The following DSCAM variants were observed in gnomAD, a reference collection of about 807,000 sequenced individuals.
DSCAM encodes the protein DS cell adhesion molecule, also known as cell adhesion molecule DSCAM.
A neutral mutation model predicts 217.7 loss-of-function variants in DSCAM; 47 were observed. The ratio of observed to expected loss-of-function variants is 0.22; its 90% CI spans 0.17 to 0.28. The LOEUF (loss-of-function observed/expected upper bound fraction) is 0.28. DSCAM is among the 10% of genes least tolerant of loss of function. DSCAM has a pLI of 1.00. For synonymous variants in DSCAM, 1,056 were observed against 1,015.3 expected (o/e 1.04, Z -0.76); for missense variants, 2,080 against 2,618.3 (o/e 0.79, Z 4.49).
At chr21:40,376,494 T>A (rs1415280823) in intron 3 of DSCAM, among the ~76,000 whole-genome samples, 2 of 110,218 alleles carry the variant, frequency 1.8e-5, no homozygotes, top group Admixed American at 2.2e-4. Context: ...TATATAGATA[T>A]CTATATATCT....
At chr21:40,392,876 A>C (rs1408780677) in intron 3 of DSCAM, among the ~76,000 whole-genome samples, 1 of 152,216 alleles carries the variant, frequency 6.6e-6, no homozygotes, top group Non-Finnish European at 1.5e-5. Context: ...CACAAGGTCA[A>C]CTGTTAATCA....
intron 3 of DSCAM, among the ~76,000 whole-genome samples, chr21:40,559,448 GA>G (rs1360890995): frequency 7.8e-6 from 1 of 128,636 alleles, no homozygotes; most frequent in Non-Finnish European, 1.6e-5. Flanking sequence ...AAAAGAGCGA[GA>G]CCCCGTCTCA....
At chr21:40,732,741 T>C (rs1199006298) in intron 1 of DSCAM, among the ~76,000 whole-genome samples, 2 of 152,190 alleles carry the variant, frequency 1.3e-5, no homozygotes, top group African/African-American at 4.8e-5. Context: ...AAATGATGAA[T>C]ATGAAACACT....
intron 11 of DSCAM, among the ~76,000 whole-genome samples, chr21:40,203,786 G>A (rs1445781267): frequency 6.6e-6 from 1 of 152,074 alleles, no homozygotes; most frequent in Non-Finnish European, 1.5e-5. Flanking sequence ...GTACATTCCT[G>A]TACGGCTAAA....
intron 11 of DSCAM, among the ~76,000 whole-genome samples, chr21:40,207,914 A>G (rs2091143909): frequency 6.6e-6 from 1 of 152,168 alleles, no homozygotes; most frequent in Non-Finnish European, 1.5e-5. Flanking sequence ...CTCTTCTTAG[A>G]AGGACACCAG....
At chr21:40,697,819 G>C (rs1327880229) in intron 2 of DSCAM, among the ~76,000 whole-genome samples, 1 of 152,140 alleles carries the variant, frequency 6.6e-6, no homozygotes, top group African/African-American at 2.4e-5. Flanking sequence ...TAGCATTTCG[G>C]AGTCTTTTGT....
At chr21:40,432,583 A>C (rs976030428) in intron 3 of DSCAM, among the ~76,000 whole-genome samples, 2 of 152,178 alleles carry the variant, frequency 1.3e-5, no homozygotes, top group African/African-American at 2.4e-5. Context: ...AGTGCTTCGG[A>C]TTCAACATCT....
chr21:40,749,213 T>C (rs1421465449), intron 1 of DSCAM, among the ~76,000 whole-genome samples: 4 of 151,860 alleles, frequency 2.6e-5, no homozygotes, highest in Admixed American at 2.6e-4. Context: ...AGAGCAAAAA[T>C]AGACAAATGG....
chr21:40,740,597 T>C (rs1011689444), intron 1 of DSCAM, among the ~76,000 whole-genome samples: 5 of 152,240 alleles, frequency 3.3e-5, no homozygotes, highest in African/African-American at 1.2e-4. Flanking sequence ...TTCAAGAATG[T>C]ACAATTTCAT....
chr21:40,637,493 A>T (rs1171965675), intron 3 of DSCAM, among the ~76,000 whole-genome samples: 2 of 51,986 alleles, frequency 3.8e-5, no homozygotes, highest in Non-Finnish European at 6.6e-5. Context: ...ATATAAAAAT[A>T]TATAAATATA....
At chr21:40,042,821 T>C in intron 31 of DSCAM, 148 bp from the exon 32 acceptor site, 1 of 743,032 alleles carries the variant, frequency 1.3e-6, no homozygotes, top group Non-Finnish European at 2.1e-6. Context: ...GGCTCCTGCC[T>C]TAGGCACTCT....
In DSCAM at chr21:40,637,412, AATATATATATAAATATATAAATATAAAT is replaced by A. The variant is rs1328684933; in HGVS notation, c.508+55370_508+55397del. Among the ~76,000 whole-genome samples the A allele has an allele frequency of 5.0e-3, 25 of 4,956 alleles. 1 individual carries two copies. The highest frequency in any genetic ancestry group is 0.014 in the Admixed American group (3 of 218). The allele number at this position is 4,956 out of a possible 152,430, so 3.3% of individuals were successfully genotyped here. ...ATATATATAAATATATATAAATATA[AATATATATATAAATATATAAATATAAAT>A]ATATATATAAATATATACAAATATA... On this transcript the variant is annotated intron_variant, in intron 3 of 32. Coordinates refer to ENST00000400454, the MANE Select transcript of DSCAM (RefSeq NM_001389.5).
intron 3 of DSCAM, among the ~76,000 whole-genome samples, chr21:40,386,827 C>T: frequency 6.6e-6 from 1 of 152,028 alleles, no homozygotes; most frequent in East Asian, 1.9e-4. Context: ...TTTTTAATTT[C>T]ATTTTTGCTT....
intron 1 of DSCAM, among the ~76,000 whole-genome samples, chr21:40,749,599 A>G (rs1325678964): frequency 6.6e-6 from 1 of 152,220 alleles, no homozygotes; most frequent in African/African-American, 2.4e-5. Flanking sequence ...ATGTGGAGAA[A>G]AGAGAGCTCT....
intron 8 of DSCAM, among the ~76,000 whole-genome samples, chr21:40,314,609 T>G (rs1329919369): frequency 6.6e-6 from 1 of 152,228 alleles, no homozygotes; most frequent in Non-Finnish European, 1.5e-5. Flanking sequence ...TATGTAAATA[T>G]TATTAATACT....
At chr21:40,713,469 G>A (rs532686969) in intron 1 of DSCAM, among the ~76,000 whole-genome samples, 31 of 152,328 alleles carry the variant, frequency 2.0e-4, no homozygotes, top group African/African-American at 6.5e-4. Context: ...ACTAAGGAGA[G>A]ATGGGAAGGA....
chr21:40,555,094 T>C (rs2837704), intron 3 of DSCAM, among the ~76,000 whole-genome samples: 72,067 of 152,054 alleles, frequency 0.47, 17,766 homozygotes, highest in East Asian at 0.56. Context: ...AGTTTATACA[T>C]GATTAACTTG....
intron 11 of DSCAM, among the ~76,000 whole-genome samples, chr21:40,192,990 G>A (rs538962515): frequency 6.6e-6 from 1 of 152,272 alleles, no homozygotes; most frequent in South Asian, 2.1e-4. Context: ...AACATTTTGA[G>A]AAACTGCCAC....
At chr21:40,772,658 C>T (rs181562999) in intron 1 of DSCAM, among the ~76,000 whole-genome samples, 36 of 152,284 alleles carry the variant, frequency 2.4e-4, no homozygotes, top group Non-Finnish European at 4.7e-4. Context: ...CAGCCAAATT[C>T]CCTCTTCCTC....
Sources: gnomAD v4.1 joint callset for allele counts (sites outside exome capture counted in the v4.1 genomes callset) on GRCh38, gnomAD v4.1.1 for gene constraint, MANE v1.5 for transcripts, NCBI Gene and HGNC (gene_info 2026-07-23, HGNC 2026-07-21) for gene names.